The following MACROD2 variants were observed in gnomAD, a reference collection of about 807,000 sequenced individuals.
MACROD2 encodes ADP-ribose glycohydrolase MACROD2.
MACROD2 carries 36 observed loss-of-function variants against 70.4 expected under a neutral mutation model. The observed-to-expected ratio is 0.51, with a 90% CI of 0.39 to 0.68. MACROD2 has a LOEUF of 0.68. MACROD2 is among the 30% of genes least tolerant of loss of function. The pLI is 0.00. For missense variants in MACROD2, 496 were observed against 538.4 expected (o/e 0.92, Z 0.78); for synonymous variants, 172 against 178.8 (o/e 0.96, Z 0.30).
intron 6 of MACROD2, among the ~76,000 whole-genome samples, chr20:15,269,267 A>C (rs2077324503): frequency 6.6e-6 from 1 of 152,222 alleles, no homozygotes; most frequent in Admixed American, 6.5e-5. Context: ...ATGCATGGCC[A>C]GGCTGGCCTG....
intron 5 of MACROD2, among the ~76,000 whole-genome samples, chr20:15,146,579 A>G (rs1426757455): frequency 6.6e-6 from 1 of 152,156 alleles, no homozygotes; most frequent in African/African-American, 2.4e-5. Context: ...AACTTTCCTC[A>G]TATTTCGTTG....
intron 8 of MACROD2, among the ~76,000 whole-genome samples, chr20:15,608,152 C>G (rs2048919477): frequency 6.6e-6 from 1 of 151,982 alleles, no homozygotes; most frequent in Non-Finnish European, 1.5e-5. Flanking sequence ...AAGCTTGTGT[C>G]TTGGTTATAT....
chr20:15,471,252 G>A (rs2046961243), intron 7 of MACROD2, among the ~76,000 whole-genome samples: 1 of 152,112 alleles, frequency 6.6e-6, no homozygotes, highest in Non-Finnish European at 1.5e-5. Flanking sequence ...TCTCAGCTGG[G>A]CCCTTACCAC....
chr20:14,752,337 C>G lies in MACROD2; in HGVS notation c.418+67378C>G, dbSNP rs981404368. 3.3e-5 allele frequency among the ~76,000 whole-genome samples: 5 copies of G among 152,120 alleles called. No homozygotes were observed. The East Asian group carries it at 9.6e-4, about 29-fold the overall frequency. The stretch of plus-strand genomic sequence containing the variant: ...TGTACCCCCAGACTTCTTCAGTGCT[C>G]CCTAGCTCAGTGAATCCTACTACAT... On this transcript the variant is annotated intron_variant, in intron 5 of 17. Coordinates refer to ENST00000684519, the MANE Select transcript of MACROD2 (RefSeq NM_001351661.2).
At chr20:14,604,097 GA>G (rs1343340394) in intron 4 of MACROD2, among the ~76,000 whole-genome samples, 2 of 152,108 alleles carry the variant, frequency 1.3e-5, no homozygotes, top group African/African-American at 2.4e-5. Context: ...GGTTTGGTCT[GA>G]AAACATATTT....
intron 5 of MACROD2, among the ~76,000 whole-genome samples, chr20:14,763,147 G>A (rs1600638457): frequency 6.6e-6 from 1 of 152,154 alleles, no homozygotes; most frequent in East Asian, 1.9e-4. Flanking sequence ...GGATGTAAAG[G>A]AGATCTTTGT....
intron 5 of MACROD2, among the ~76,000 whole-genome samples, chr20:15,178,533 G>T (rs996219247): frequency 1.1e-4 from 16 of 152,090 alleles, no homozygotes; most frequent in African/African-American, 3.9e-4. Flanking sequence ...AAGTTGTTAC[G>T]CTAGAGCTTG....
intron 4 of MACROD2, among the ~76,000 whole-genome samples, chr20:14,662,172 C>A (rs186569170): frequency 1.0e-3 from 156 of 152,000 alleles, no homozygotes; most frequent in African/African-American, 3.5e-3. Flanking sequence ...AATAGAGAAC[C>A]CAGTAATAAG....
chr20:14,618,359 C>G (rs1339094827), intron 4 of MACROD2, among the ~76,000 whole-genome samples: 3 of 152,058 alleles, frequency 2.0e-5, no homozygotes, highest in Non-Finnish European at 4.4e-5. Flanking sequence ...AAAGAACTGC[C>G]TATGTTCAAA....
At chr20:14,060,461 T>C (rs920018819) in intron 2 of MACROD2, among the ~76,000 whole-genome samples, 3 of 152,144 alleles carry the variant, frequency 2.0e-5, no homozygotes, top group African/African-American at 4.8e-5. Context: ...TTGATATTCA[T>C]AGGGGACACC....
At position 14,236,056 on chromosome 20, in the gene MACROD2, A is replaced by G. The variant is rs537182120; in HGVS notation, c.271+150328A>G. On this transcript the variant is annotated intron_variant, in intron 3 of 17. Coordinates refer to ENST00000684519, the MANE Select transcript of MACROD2 (RefSeq NM_001351661.2). ...ATAACCAAGTTACTTAGCCTATATG[A>G]CGAAGTTTCCTAAAAACCCCTCCAT... 2.6e-5 allele frequency among the ~76,000 whole-genome samples: 4 copies of G among 152,306 alleles called. No individual in the cohort carries two copies. The East Asian group carries it at 7.7e-4, about 29-fold the overall frequency.
chr20:14,095,121 G>A (rs1569156591), intron 3 of MACROD2, among the ~76,000 whole-genome samples: 1 of 152,080 alleles, frequency 6.6e-6, no homozygotes, highest in African/African-American at 2.4e-5. Flanking sequence ...TCAGTACTAT[G>A]GGTTCCTTAG....
At chr20:14,545,559 C>G (rs1600368491) in intron 4 of MACROD2, among the ~76,000 whole-genome samples, 1 of 152,288 alleles carries the variant, frequency 6.6e-6, no homozygotes, top group South Asian at 2.1e-4. Flanking sequence ...GATCTACTTT[C>G]TGCATTTTGT....
At chr20:15,461,006 A>ATATTTTTTTTTTTTT in intron 7 of MACROD2, among the ~76,000 whole-genome samples, 23 of 67,008 alleles carry the variant, frequency 3.4e-4, no homozygotes, top group Non-Finnish European at 6.9e-4. Flanking sequence ...ATATATATAT[A>ATATTTTTTTTTTTTT]TTTTTTTTTA....
intron 8 of MACROD2, among the ~76,000 whole-genome samples, chr20:15,597,251 A>C (rs2048758345): frequency 6.6e-6 from 1 of 152,234 alleles, no homozygotes; most frequent in African/African-American, 2.4e-5. Flanking sequence ...GAAAGTCAAA[A>C]ACTTTCCTTG....
intron 8 of MACROD2, among the ~76,000 whole-genome samples, chr20:15,585,063 G>T (rs887631488): frequency 6.6e-6 from 1 of 152,208 alleles, no homozygotes; most frequent in Non-Finnish European, 1.5e-5. Flanking sequence ...GGTCCAACTT[G>T]CAGTGACACA....
At chr20:16,010,144 A>C (rs2066843539) in intron 15 of MACROD2, among the ~76,000 whole-genome samples, 1 of 152,164 alleles carries the variant, frequency 6.6e-6, no homozygotes, top group Non-Finnish European at 1.5e-5. Context: ...TATTACGAAA[A>C]TCACACTTCA....
chr20:15,095,806 C>T (rs990338952), intron 5 of MACROD2, among the ~76,000 whole-genome samples: 12 of 151,954 alleles, frequency 7.9e-5, no homozygotes, highest in Non-Finnish European at 1.6e-4. Flanking sequence ...CGTGAGCCAC[C>T]GTGCCCAGCC....
intron 8 of MACROD2, among the ~76,000 whole-genome samples, chr20:15,735,868 T>A (rs989287529): frequency 6.6e-6 from 1 of 152,190 alleles, no homozygotes; most frequent in Non-Finnish European, 1.5e-5. Context: ...TTATAGATCT[T>A]CTCTTGATCC....
Sources: allele counts gnomAD v4.1 joint callset (sites outside exome capture counted in the v4.1 genomes callset), GRCh38; gene constraint gnomAD v4.1.1; transcripts MANE v1.5; gene names NCBI Gene and HGNC (gene_info 2026-07-23, HGNC 2026-07-21).